SMOX: variants seen among roughly 807,000 people sequenced by gnomAD.
The protein encoded by SMOX is spermine oxidase.
A neutral mutation model predicts 51.0 loss-of-function variants in SMOX; 22 were observed. That is an observed-to-expected ratio of 0.43 (90% CI 0.31 to 0.62). The LOEUF is 0.62. Ranked by LOEUF, SMOX falls within the 20% of genes least tolerant of loss-of-function variation. The probability of loss-of-function intolerance (pLI) is 0.10; values close to 1 mark genes in which losing one functional copy is unlikely to be tolerated. For missense variants in SMOX, 566 were observed against 777.7 expected, an observed-to-expected ratio of 0.73 and a Z score of 3.24; for synonymous variants, 282 against 307.8, an observed-to-expected ratio of 0.92 and a Z score of 0.88.
At chr20:4,157,432 T>G (rs1986067571) in intron 1 of SMOX, among the ~76,000 whole-genome samples, 1 of 151,926 alleles carries the variant, frequency 6.6e-6, no homozygotes, top group African/African-American at 2.4e-5. Context: ...AAAGAGGGTG[T>G]GGGTAGCTAG....
chr20:4,171,377 A>G lies in SMOX; in HGVS notation c.-26-3653A>G, dbSNP rs927625977. On this transcript the variant is annotated intron_variant, in intron 1 of 6. Transcript: ENST00000305958. The stretch of plus-strand genomic sequence containing the variant: ...TGCCCCCACTCCCCAGCAGGCATTT[A>G]GCACACAGTAGGTGTCCTGGCTATG... Among the ~76,000 whole-genome samples the G allele has an allele frequency of 3.3e-5, 5 of 152,222 alleles. No individual in the cohort carries two copies. The South Asian group carries it at 8.3e-4, about 25-fold the overall frequency.
At chr20:4,173,859 C>A (rs553340963) in intron 1 of SMOX, among the ~76,000 whole-genome samples, 4 of 152,238 alleles carry the variant, frequency 2.6e-5, no homozygotes, top group Non-Finnish European at 5.9e-5. Flanking sequence ...CCAAACCCTC[C>A]GGGTCATTCT....
At position 4,170,416 on chromosome 20, in the gene SMOX, G is replaced by T. The variant is rs1040926377; in HGVS notation, c.-26-4614G>T. ...AGACGTTGGAGACCAGGACTAACGC[G>T]TGTCTCTCTAGTATTTGGCCATTAG... is the stretch of plus-strand genomic sequence containing the variant. On this transcript the variant is annotated intron_variant, in intron 1 of 6. Transcript: ENST00000305958. The surrounding 1 kb of genome is among the most constrained non-coding windows in gnomAD (Gnocchi z 4.6). 1.3e-5 allele frequency among the ~76,000 whole-genome samples: 2 copies of T among 152,116 alleles called. No individual in the cohort carries two copies. Among genetic ancestry groups the T allele is most frequent in the Non-Finnish European group, 2.9e-5 (2 of 68,036 alleles).
Position 4,154,386 on chromosome 20 carries a change from C to T in SMOX, c.-27+5409C>T, listed in dbSNP as rs1741299. The stretch of plus-strand genomic sequence containing the variant: ...TCCGCATTTCTTTCTTTCTTTCTTT[C>T]TTTTTTTGAGACGGAGTCTTGCTCT... On this transcript the variant is annotated intron_variant, in intron 1 of 6. Coordinates refer to ENST00000305958, the MANE Select transcript of SMOX (RefSeq NM_175839.3). Among the ~76,000 whole-genome samples the T allele has an allele frequency of 3.5e-4, 53 of 150,066 alleles. 1 individual carries two copies. The East Asian group carries it at 4.1e-3, about 12-fold the overall frequency.
chr20:4,152,625 G>A (rs1295305693), intron 1 of SMOX, among the ~76,000 whole-genome samples: 10 of 152,080 alleles, frequency 6.6e-5, no homozygotes, highest in African/African-American at 2.4e-4. Context: ...AGCTGGGATA[G>A]GTAGGGATGA....
chr20:4,174,743 G>T (rs1291829186), intron 1 of SMOX, among the ~76,000 whole-genome samples: 1 of 152,198 alleles, frequency 6.6e-6, no homozygotes, highest in Non-Finnish European at 1.5e-5. Flanking sequence ...CAGGTCTCCT[G>T]CCTGCTGGCG....
intron 3 of SMOX, among the ~76,000 whole-genome samples, chr20:4,178,153 T>C (rs570574190): frequency 6.6e-6 from 1 of 152,338 alleles, no homozygotes; most frequent in African/African-American, 2.4e-5. Flanking sequence ...GCGATTCTCC[T>C]GCCTCAGCCT....
At chr20:4,165,278 A>G (rs1349473782) in intron 1 of SMOX, among the ~76,000 whole-genome samples, 1 of 151,138 alleles carries the variant, frequency 6.6e-6, no homozygotes, top group African/African-American at 2.4e-5. Flanking sequence ...CTGGTCTCGA[A>G]CTCCTGACCT....
At chr20:4,169,554 C>T (rs1410303674) in intron 1 of SMOX, among the ~76,000 whole-genome samples, 3 of 152,166 alleles carry the variant, frequency 2.0e-5, no homozygotes, top group East Asian at 1.9e-4. Flanking sequence ...GGCAGGGGCT[C>T]GCCAGTCTAG....
intron 3 of SMOX, among the ~76,000 whole-genome samples, chr20:4,179,149 A>G (rs1040627837): frequency 2.0e-5 from 3 of 152,186 alleles, no homozygotes; most frequent in African/African-American, 4.8e-5. Context: ...TGAATTGTTA[A>G]TGGGTCAAAT....
intron 1 of SMOX, among the ~76,000 whole-genome samples, chr20:4,165,036 C>T (rs778860246): frequency 2.8e-4 from 41 of 147,972 alleles, no homozygotes; most frequent in Non-Finnish European, 5.4e-4. Context: ...CATCACCATG[C>T]CTTAGCTAAG....
Position 4,182,028 on chromosome 20 carries a change from G to T in SMOX, c.609+52G>T. On this transcript the variant is annotated intron_variant, in intron 4 of 6. Transcript: ENST00000305958. This position sits in a 1 kb window ranked among gnomAD's most constrained non-coding sequence, Gnocchi z 8.4. ...GGCGTCTGGGTCTGAGGAGGGCTACGCTGCTCCTACCCCTGCCCAACCCCG... is the reference window on the plus strand; with the variant it reads ...GGCGTCTGGGTCTGAGGAGGGCTACTCTGCTCCTACCCCTGCCCAACCCCG... 6.2e-7 allele frequency: 1 copy of T among 1,600,808 alleles called. No individual in the cohort carries two copies.
rs988046058 is a variant in SMOX, at chr20:4,183,114, A to G, written c.1369+266A>G. 10 of 591,040 alleles carry G rather than the reference A, an allele frequency of 1.7e-5. No individual in the cohort carries two copies. The highest frequency in any genetic ancestry group is 3.0e-5 in the Non-Finnish European group (10 of 337,734). The allele number at this position is 591,040 out of a possible 1,614,324, so 36.6% of individuals were successfully genotyped here. ...GTAAAACACTCAGAGATCACCGCCCATTGTGCTCTGTTGCTAAGAGCTGGA... is the reference window on the plus strand; with the variant it reads ...GTAAAACACTCAGAGATCACCGCCCGTTGTGCTCTGTTGCTAAGAGCTGGA... On this transcript the variant is annotated intron_variant, in intron 5 of 6. Coordinates refer to ENST00000305958, the MANE Select transcript of SMOX (RefSeq NM_175839.3). The surrounding 1 kb of genome is among the most constrained non-coding windows in gnomAD (Gnocchi z 4.3).
In SMOX at chr20:4,187,296, G is replaced by A. The variant is rs1466349179; in HGVS notation, c.1557G>A (p.Glu519=). ...CCATGCAGGTGCTGTTTTCCGGTGA[G>A]GCCACCCACCGCAAGTACTATTCCA... is the stretch of plus-strand genomic sequence containing the variant. ...TAPMQVLFSG[E]ATHRKYYSTT... The change falls in exon 7 of 7, where the codon GAG becomes GAA. Residue 519 remains glutamate (E), a synonymous_variant. Transcript: ENST00000305958. The surrounding 1 kb of genome is among the most constrained non-coding windows in gnomAD (Gnocchi z 4.8). 7.4e-6 allele frequency: 12 copies of A among 1,614,170 alleles called. No individual in the cohort carries two copies. The East Asian group carries it at 2.7e-4, about 36-fold the overall frequency.
chr20:4,178,124 C>T (rs1191082784), intron 3 of SMOX, among the ~76,000 whole-genome samples: 1 of 152,234 alleles, frequency 6.6e-6, no homozygotes, highest in African/African-American at 2.4e-5. Context: ...TCACTGTAAC[C>T]TCTACCTCTC....
Position 4,187,257 on chromosome 20 carries a change from C to T in SMOX, c.1531-13C>T, listed in dbSNP as rs1157823029. ...TGCTCCTCCACCCTGACCTCCCCATCCCCGCCCCGCAGCCCATGCAGGTGC... is the reference window on the plus strand; with the variant it reads ...TGCTCCTCCACCCTGACCTCCCCATTCCCGCCCCGCAGCCCATGCAGGTGC... On this transcript the variant is annotated splice_polypyrimidine_tract_variant and intron_variant, in intron 6 of 6. Transcript: ENST00000305958. This position sits in a 1 kb window ranked among gnomAD's most constrained non-coding sequence, Gnocchi z 4.8. The T allele has an allele frequency of 5.6e-6, 9 of 1,608,306 alleles. No homozygotes were observed. The highest frequency in any genetic ancestry group is 2.2e-5 in the East Asian group (1 of 44,786).
Position 4,166,115 on chromosome 20 carries a change from G to GTTGTCAGAGTGTGATCTA in SMOX, c.-26-8880_-26-8863dup, listed in dbSNP as rs1192566916. 0.049 allele frequency among the ~76,000 whole-genome samples: 7,402 copies of GTTGTCAGAGTGTGATCTA among 150,910 alleles called. 250 individuals are homozygous for GTTGTCAGAGTGTGATCTA. Among genetic ancestry groups the GTTGTCAGAGTGTGATCTA allele is most frequent in the Middle Eastern group, 0.087 (25 of 288 alleles). ...TTGTGCCTAGCGCCTGATCTAATCT[G>GTTGTCAGAGTGTGATCTA]TTGTCAGAGTGTGATCTATTGTCAG... On this transcript the variant is annotated intron_variant, in intron 1 of 6. Coordinates refer to ENST00000305958, the MANE Select transcript of SMOX (RefSeq NM_175839.3). This position sits in a 1 kb window ranked among gnomAD's most constrained non-coding sequence, Gnocchi z 4.2.
rs1034729750 is a variant in SMOX, at chr20:4,170,177, C to T, written c.-26-4853C>T. ...AGGCGGGGTGGGGGGGTGCTTCTGG[C>T]GCAGTTGGGGGTGGAGGTGACATGA... On this transcript the variant is annotated intron_variant, in intron 1 of 6. Transcript: ENST00000305958. This position sits in a 1 kb window ranked among gnomAD's most constrained non-coding sequence, Gnocchi z 4.6. 5.7e-5 allele frequency among the ~76,000 whole-genome samples: 8 copies of T among 139,880 alleles called. No homozygotes were observed. The highest frequency in any genetic ancestry group is 2.2e-4 in the Admixed American group (3 of 13,662). 91.8% of individuals were successfully genotyped at this position (139,880 alleles called of 152,430 possible). A position where few individuals can be genotyped will look rare whatever the true frequency, so the allele number is the denominator to read the frequency against.
At chr20:4,184,662 T>A (rs1432403681) in intron 6 of SMOX, among the ~76,000 whole-genome samples, 1 of 152,222 alleles carries the variant, frequency 6.6e-6, no homozygotes, top group Admixed American at 6.5e-5. Context: ...CAGCATCTAC[T>A]ATGCCTGCCC....
Sources: gnomAD v4.1 joint callset for allele counts (sites outside exome capture counted in the v4.1 genomes callset) on GRCh38, gnomAD v4.1.1 for gene constraint, Gnocchi (gnomAD v3.1) non-coding constraint, MANE v1.5 for transcripts, NCBI Gene and HGNC (gene_info 2026-07-23, HGNC 2026-07-21) for gene names.